Variants in PTPRR observed in about 807,000 individuals in gnomAD.
The protein encoded by PTPRR is receptor-type tyrosine-protein phosphatase R.
In PTPRR, 38 loss-of-function variants were observed where a neutral mutation model predicts 77.2. The ratio of observed to expected loss-of-function variants is 0.49; its 90% CI spans 0.38 to 0.65. PTPRR has a LOEUF of 0.65. PTPRR is among the 30% of genes least tolerant of loss of function. The pLI is 0.00. For synonymous variants in PTPRR, 299 were observed against 283.1 expected, an observed-to-expected ratio of 1.06 and a Z score of -0.57; for missense variants, 744 against 799.2, an observed-to-expected ratio of 0.93 and a Z score of 0.83.
At chr12:70,869,815 A>C (rs1184377483) in intron 2 of PTPRR, among the ~76,000 whole-genome samples, 1 of 152,226 alleles carries the variant, frequency 6.6e-6, no homozygotes, top group Non-Finnish European at 1.5e-5. Context: ...GGAAGGAATT[A>C]GCCTTGTAGA....
intron 1 of PTPRR, among the ~76,000 whole-genome samples, chr12:70,916,913 A>G (rs527874744): frequency 6.6e-6 from 1 of 152,328 alleles, no homozygotes; most frequent in Admixed American, 6.5e-5. Flanking sequence ...CTTTTCCAGA[A>G]CTCAAAGAGA....
intron 6 of PTPRR, among the ~76,000 whole-genome samples, chr12:70,713,531 A>G (rs887915994): frequency 6.9e-6 from 1 of 144,508 alleles, no homozygotes; most frequent in Non-Finnish European, 1.5e-5. Context: ...GAGATTTCCA[A>G]TTTCTCCACA....
chr12:70,800,436 T>C lies in PTPRR; in HGVS notation c.358-35658A>G, dbSNP rs374588226. 5.9e-5 allele frequency among the ~76,000 whole-genome samples: 9 copies of C among 152,236 alleles called. No homozygotes were observed. In the East Asian group the frequency reaches 1.7e-3, roughly 29 times the overall value. On this transcript the variant is annotated intron_variant, in intron 2 of 13. Transcript: ENST00000283228. The stretch of plus-strand genomic sequence containing the variant: ...GGAGCAATAAGCAGAAACTTGAATA[T>C]ATAAAATTTCATATCAAGAATAATA...
chr12:70,897,206 G>A (rs1331251862), intron 1 of PTPRR, among the ~76,000 whole-genome samples: 1 of 151,954 alleles, frequency 6.6e-6, no homozygotes, highest in African/African-American at 2.4e-5. Context: ...CACCATCAGA[G>A]TGAACAGGCA....
chr12:70,834,444 A>G (rs918464435), intron 2 of PTPRR, among the ~76,000 whole-genome samples: 6 of 152,194 alleles, frequency 3.9e-5, no homozygotes, highest in Non-Finnish European at 7.3e-5. Context: ...TTCAAATAAC[A>G]TGGTTAACGC....
At position 70,892,670 on chromosome 12, in the gene PTPRR, A is replaced by G; in HGVS notation, c.357+9T>C. On this transcript the variant is annotated intron_variant, in intron 2 of 13. Transcript: ENST00000283228. Reference sequence around the variant, plus strand: ...ATCAGCCTCAGCATCAGTTTAACATACTACTTACCACCACAATTACATTTG... The same window carrying G: ...ATCAGCCTCAGCATCAGTTTAACATGCTACTTACCACCACAATTACATTTG... 2 of 1,612,170 alleles carry G rather than the reference A, an allele frequency of 1.2e-6. No homozygotes were observed. The highest frequency in any genetic ancestry group is 1.7e-6 in the Non-Finnish European group (2 of 1,178,512).
At chr12:70,761,352 T>A in intron 4 of PTPRR, 119 bp downstream of exon 4, 1 of 991,758 alleles carries the variant, frequency 1.0e-6, no homozygotes, top group Non-Finnish European at 1.4e-6. Flanking sequence ...CTCAGGGAAA[T>A]TTTTATTATC....
intron 6 of PTPRR, among the ~76,000 whole-genome samples, chr12:70,738,746 C>G (rs1889954802): frequency 6.6e-6 from 1 of 152,112 alleles, no homozygotes; most frequent in Non-Finnish European, 1.5e-5. Flanking sequence ...TTTGGGAGGG[C>G]AAGGATGGGA....
At chr12:70,768,593 G>A (rs1410006903) in intron 2 of PTPRR, among the ~76,000 whole-genome samples, 1 of 152,118 alleles carries the variant, frequency 6.6e-6, no homozygotes. Flanking sequence ...AGGAGGAACT[G>A]GTACCATTCC....
chr12:70,816,095 T>A (rs1008426692), intron 2 of PTPRR, among the ~76,000 whole-genome samples: 1 of 152,156 alleles, frequency 6.6e-6, no homozygotes, highest in African/African-American at 2.4e-5. Context: ...TAAAAATAGT[T>A]TTCCATTTAG....
intron 13 of PTPRR, among the ~76,000 whole-genome samples, chr12:70,640,481 AT>A (rs1286459434): frequency 3.3e-5 from 5 of 152,102 alleles, no homozygotes; most frequent in Non-Finnish European, 7.4e-5. Flanking sequence ...TATAATTATG[AT>A]TTTTTAGCTT....
intron 2 of PTPRR, among the ~76,000 whole-genome samples, chr12:70,790,385 C>G (rs538309051): frequency 1.3e-5 from 2 of 152,256 alleles, no homozygotes; most frequent in Admixed American, 1.3e-4. Context: ...CCCTGATACC[C>G]TTTCCTGCCT....
intron 2 of PTPRR, among the ~76,000 whole-genome samples, chr12:70,808,351 G>C (rs1205924140): frequency 6.6e-6 from 1 of 152,044 alleles, no homozygotes; most frequent in Non-Finnish European, 1.5e-5. Context: ...TCTGCCTTGT[G>C]ATCTTTTGTT....
intron 3 of PTPRR, among the ~76,000 whole-genome samples, chr12:70,763,032 T>G (rs1011533679): frequency 1.3e-5 from 2 of 151,938 alleles, no homozygotes; most frequent in Non-Finnish European, 2.9e-5. Flanking sequence ...CATCTCTCTA[T>G]ATATCTTAGC....
At chr12:70,890,603 TG>T (rs1251980647) in intron 2 of PTPRR, among the ~76,000 whole-genome samples, 1 of 152,056 alleles carries the variant, frequency 6.6e-6, no homozygotes, top group Admixed American at 6.6e-5. Flanking sequence ...TTACCCTGGC[TG>T]GAAAAAAAAT....
intron 13 of PTPRR, among the ~76,000 whole-genome samples, chr12:70,647,467 C>G (rs1417240637): frequency 6.6e-6 from 1 of 152,222 alleles, no homozygotes; most frequent in African/African-American, 2.4e-5. Flanking sequence ...TAGTAATAAA[C>G]TGAGACACTG....
At chr12:70,757,711 T>C (rs1890595193) in intron 4 of PTPRR, among the ~76,000 whole-genome samples, 4 of 152,214 alleles carry the variant, frequency 2.6e-5, no homozygotes, top group Admixed American at 2.6e-4. Flanking sequence ...CTTTGAGACA[T>C]CATTCACGAT....
intron 13 of PTPRR, among the ~76,000 whole-genome samples, chr12:70,652,006 T>C (rs1488524441): frequency 2.6e-5 from 4 of 152,178 alleles, no homozygotes; most frequent in African/African-American, 9.7e-5. Context: ...GAGTCCATGA[T>C]TAAATACATT....
At chr12:70,812,553 A>G (rs1173736456) in intron 2 of PTPRR, among the ~76,000 whole-genome samples, 3 of 152,230 alleles carry the variant, frequency 2.0e-5, no homozygotes. Flanking sequence ...TAGAAAGGAT[A>G]GATATGATTT....
Sources: allele counts gnomAD v4.1 joint callset (sites outside exome capture counted in the v4.1 genomes callset), GRCh38; gene constraint gnomAD v4.1.1; transcripts MANE v1.5; gene names NCBI Gene and HGNC (gene_info 2026-07-23, HGNC 2026-07-21).